The following VSTM2A variants were observed in gnomAD, a reference collection of about 807,000 sequenced individuals.
VSTM2A encodes the protein V-set and transmembrane domain-containing protein 2A.
VSTM2A carries 13 observed loss-of-function variants against 27.3 expected under a neutral mutation model. That is an observed-to-expected ratio of 0.48 (90% CI 0.31 to 0.76). VSTM2A has a LOEUF of 0.76. VSTM2A is among the 30% of genes least tolerant of loss of function. The pLI, the probability that VSTM2A is intolerant of heterozygous loss-of-function variation, is 0.05. For synonymous variants in VSTM2A, 142 were observed against 125.7 expected, an observed-to-expected ratio of 1.13 and a Z score of -0.87; for missense variants, 280 against 310.0, an observed-to-expected ratio of 0.90 and a Z score of 0.73.
Position 54,570,519 on chromosome 7 carries a change from T to C in VSTM2A, c.*1300T>C, listed in dbSNP as rs943298429. On this transcript the variant is annotated 3_prime_UTR_variant, in exon 5 of 5. Coordinates refer to ENST00000402613, the MANE Select transcript of VSTM2A (RefSeq NM_001301009.2). ...TAAAAATTAAAATTTGGTTGTTGGCTAAATACAATATGCAAAAGATGATGG... is the reference window on the plus strand; with the variant it reads ...TAAAAATTAAAATTTGGTTGTTGGCCAAATACAATATGCAAAAGATGATGG... The C allele has an allele frequency of 1.3e-5, 2 of 152,190 alleles. No individual in the cohort carries two copies. The highest frequency in any genetic ancestry group is 2.9e-5 in the Non-Finnish European group (2 of 68,012). 9.4% of individuals were successfully genotyped at this position (152,190 alleles called of 1,614,324 possible).
chr7:54,546,780 G>C (rs1788005926), intron 2 of VSTM2A, 167 bp from the exon 3 acceptor site: 1 of 677,644 alleles, frequency 1.5e-6, no homozygotes. Context: ...GGACAGCGTG[G>C]GGGCGGTGCG....
chr7:54,553,920 C>T, intron 4 of VSTM2A: 2 of 1,551,260 alleles, frequency 1.3e-6, no homozygotes, highest in East Asian at 2.4e-5. Flanking sequence ...TCTACTAGTC[C>T]TTCCTTTCTT....
chr7:54,560,028 GA>G, intron 4 of VSTM2A: 1 of 152,152 alleles, frequency 6.6e-6, no homozygotes, highest in East Asian at 1.9e-4. Context: ...TTTGTACAAT[GA>G]TAATGTATTA....
chr7:54,545,580 G>A (rs1321467770), intron 2 of VSTM2A, among the ~76,000 whole-genome samples: 1 of 77,970 alleles, frequency 1.3e-5, no homozygotes, highest in African/African-American at 5.4e-5. Flanking sequence ...GAGGGAGAAA[G>A]AAGGGGGAGA....
intron 2 of VSTM2A, chr7:54,546,559 C>G (rs933127804): frequency 7.0e-6 from 1 of 142,576 alleles, no homozygotes; most frequent in Admixed American, 7.5e-5. Flanking sequence ...CTGGCGCCCC[C>G]CCGCCTGCCC....
At chr7:54,542,927 C>G in intron 1 of VSTM2A, 118 bp downstream of exon 1, 9 of 941,352 alleles carry the variant, frequency 9.6e-6, no homozygotes, top group Non-Finnish European at 1.3e-5. Flanking sequence ...TGGGCTTAGG[C>G]TGTATAAATA....
chr7:54,544,648 G>T lies in VSTM2A; in HGVS notation c.106G>T (p.Val36Leu). The T allele has an allele frequency of 6.2e-7, 1 of 1,613,006 alleles. No homozygotes were observed. The change falls in exon 2 of 5, where the codon GTG (valine) becomes TTG (leucine). Residue 36 changes from valine to leucine, a missense_variant. Physicochemically the swap from Val to Leu is conservative, Grantham distance 32. Coordinates refer to ENST00000402613, the MANE Select transcript of VSTM2A (RefSeq NM_001301009.2). The part of the protein sequence containing the change: ...QAKFTEFPRN[V>L]TATEGQNVEM... ...AAAATTTACCGAGTTTCCGCGGAAC[G>T]TGACGGCGACCGAGGGGCAGAATGT...
intron 4 of VSTM2A, among the ~76,000 whole-genome samples, chr7:54,555,082 G>C (rs1788308123): frequency 6.6e-6 from 1 of 152,164 alleles, no homozygotes; most frequent in Admixed American, 6.5e-5. Context: ...AGGAAGCCTT[G>C]AAAATGTTCT....
chr7:54,554,033 A>C (rs1562709869), intron 4 of VSTM2A: 2 of 1,552,918 alleles, frequency 1.3e-6, no homozygotes, highest in Non-Finnish European at 1.7e-6. Flanking sequence ...CTGGCCATGG[A>C]TCAACCCCTG....
At chr7:54,561,584 TAAATG>T (rs1788563064) in intron 4 of VSTM2A, among the ~76,000 whole-genome samples, 1 of 152,236 alleles carries the variant, frequency 6.6e-6, no homozygotes. Context: ...TATATCTTGA[TAAATG>T]AGATGTGAAT....
intron 2 of VSTM2A, 104 bp from the exon 3 acceptor site, chr7:54,546,843 G>T: frequency 6.7e-7 from 1 of 1,498,746 alleles, no homozygotes; most frequent in Non-Finnish European, 8.9e-7. Flanking sequence ...CTGTCCCCAG[G>T]TCACCCTGAC....
At chr7:54,547,076 G>A (rs1194974354) in intron 3 of VSTM2A, 79 bp downstream of exon 3, 2 of 1,473,196 alleles carry the variant, frequency 1.4e-6, no homozygotes, top group African/African-American at 2.9e-5. Context: ...AAGGCGGCTT[G>A]CCAGCGCTGC....
At chr7:54,554,117 G>A in intron 4 of VSTM2A, 1 of 1,547,248 alleles carries the variant, frequency 6.5e-7, no homozygotes, top group Non-Finnish European at 8.7e-7. Flanking sequence ...TGTCATGCAA[G>A]TCACTGGTGT....
chr7:54,560,595 T>C (rs1467532893), intron 4 of VSTM2A, among the ~76,000 whole-genome samples: 1 of 152,182 alleles, frequency 6.6e-6, no homozygotes, highest in Non-Finnish European at 1.5e-5. Context: ...TTTTACTTAA[T>C]GCAACTGCTT....
chr7:54,566,816 G>T (rs1788738735), intron 4 of VSTM2A, among the ~76,000 whole-genome samples: 1 of 152,178 alleles, frequency 6.6e-6, no homozygotes, highest in Admixed American at 6.5e-5. Flanking sequence ...GGCAATCCTG[G>T]CTCTGCGTGT....
intron 2 of VSTM2A, chr7:54,546,679 G>C (rs1177452523): frequency 1.9e-5 from 5 of 259,796 alleles, no homozygotes; most frequent in Non-Finnish European, 3.3e-5. Flanking sequence ...CAGGGACAGC[G>C]CCGGGACAGC....
chr7:54,560,814 A>G (rs1340510238), intron 4 of VSTM2A, among the ~76,000 whole-genome samples: 1 of 152,158 alleles, frequency 6.6e-6, no homozygotes, highest in Non-Finnish European at 1.5e-5. Flanking sequence ...ATCTTCACAG[A>G]CAAACATTTT....
chr7:54,570,489 C>A lies in VSTM2A; in HGVS notation c.*1270C>A, dbSNP rs1788860076. 1 of 151,968 alleles carries A rather than the reference C, an allele frequency of 6.6e-6. No individual in the cohort carries two copies. The allele number at this position is 151,968 out of a possible 1,614,324, so 9.4% of individuals were successfully genotyped here. ...TGCGCTAATTATATTTTAATGTCTC[C>A]TAATTAAAAATTAAAATTTGGTTGT... is the stretch of plus-strand genomic sequence containing the variant. On this transcript the variant is annotated 3_prime_UTR_variant, in exon 5 of 5. Coordinates refer to ENST00000402613, the MANE Select transcript of VSTM2A (RefSeq NM_001301009.2).
At chr7:54,545,496 A>G (rs1584042713) in intron 2 of VSTM2A, among the ~76,000 whole-genome samples, 1 of 113,026 alleles carries the variant, frequency 8.8e-6, no homozygotes, top group Non-Finnish European at 1.8e-5. Flanking sequence ...GGAGAGAGGG[A>G]GTGAGGAGAG....
Sources: gnomAD v4.1 joint callset for allele counts (sites outside exome capture counted in the v4.1 genomes callset) on GRCh38, gnomAD v4.1.1 for gene constraint, MANE v1.5 for transcripts, NCBI Gene and HGNC (gene_info 2026-07-23, HGNC 2026-07-21) for gene names.